MS4A14: variants seen among roughly 807,000 people sequenced by gnomAD.
The protein encoded by MS4A14 is membrane spanning 4-domains A14, also known as membrane-spanning 4-domains subfamily A member 14.
In MS4A14, 18 loss-of-function variants were observed where a neutral mutation model predicts 16.7. The observed-to-expected ratio is 1.08, with a 90% CI of 0.75 to 1.60. MS4A14 has a LOEUF of 1.60. MS4A14 is among the 40% of genes most tolerant of loss of function. The pLI, the probability that MS4A14 is intolerant of heterozygous loss-of-function variation, is 0.00. For missense variants in MS4A14, 812 were observed against 775.3 expected (o/e 1.05, Z -0.56); for synonymous variants, 305 against 289.4 (o/e 1.05, Z -0.55).
At chr11:60,410,831 G>GT (rs34211432) in intron 4 of MS4A14, among the ~76,000 whole-genome samples, 1 of 151,448 alleles carries the variant, frequency 6.6e-6, no homozygotes, top group African/African-American at 2.4e-5. Flanking sequence ...TATTTTTTGG[G>GT]TTTTTTTTTT....
At chr11:60,407,767 ATTATCTTC>A (rs2085808976) in intron 4 of MS4A14, among the ~76,000 whole-genome samples, 1 of 151,828 alleles carries the variant, frequency 6.6e-6, no homozygotes, top group Admixed American at 6.6e-5. Flanking sequence ...ATTTTATTGG[ATTATCTTC>A]TTATTGGCCT....
intron 1 of MS4A14, 97 bp downstream of exon 1, chr11:60,396,813 G>C (rs779835391): frequency 7.7e-7 from 1 of 1,290,848 alleles, no homozygotes; most frequent in Non-Finnish European, 1.0e-6. Context: ...TATTTTCAGG[G>C]AGGGAGTTAA....
At chr11:60,397,190 C>G (rs2085638674) in intron 1 of MS4A14, among the ~76,000 whole-genome samples, 1 of 152,134 alleles carries the variant, frequency 6.6e-6, no homozygotes, top group African/African-American at 2.4e-5. Context: ...AGAGATGTGG[C>G]CTGGGGACAA....
chr11:60,414,336 A>G (rs191037344), intron 4 of MS4A14, among the ~76,000 whole-genome samples: 1 of 152,124 alleles, frequency 6.6e-6, no homozygotes, highest in Non-Finnish European at 1.5e-5. Flanking sequence ...AACTAATTAG[A>G]AGAATGGGAA....
rs145801550 is a variant in MS4A14, at chr11:60,416,905, C to G, written c.1937C>G (p.Ser646Cys). 1.9e-6 allele frequency: 3 copies of G among 1,613,730 alleles called. No individual in the cohort carries two copies. In the African/African-American group the frequency reaches 4.0e-5, roughly 22 times the overall value. The change falls in exon 5 of 5, where the codon TCC becomes TGC. Residue 646 changes from serine to cysteine, a missense_variant. By Grantham distance (112) the Ser-to-Cys change is moderately radical. Coordinates refer to ENST00000300187, the MANE Select transcript of MS4A14 (RefSeq NM_032597.5). ...AAACTGTTATGCCAAGATTCAGAATCCCAAATACAGCAATACCAATTCTGG... is the reference window on the plus strand; with the variant it reads ...AAACTGTTATGCCAAGATTCAGAATGCCAAATACAGCAATACCAATTCTGG... ...VPKLLCQDSE[S>C]QIQQYQFWQF... is the part of the protein sequence containing the mutation.
chr11:60,405,492 C>T (rs2085774017), intron 4 of MS4A14, among the ~76,000 whole-genome samples: 1 of 152,136 alleles, frequency 6.6e-6, no homozygotes, highest in South Asian at 2.1e-4. Context: ...GCAAAATGGG[C>T]AAAATGGCAA....
In MS4A14 at chr11:60,415,806, C is replaced by A. The variant is rs768895069; in HGVS notation, c.838C>A (p.Gln280Lys). 2 of 1,613,824 alleles carry A rather than the reference C, an allele frequency of 1.2e-6. No individual in the cohort carries two copies. Among genetic ancestry groups the A allele is most frequent in the Non-Finnish European group, 1.7e-6 (2 of 1,179,940 alleles). The change falls in exon 5 of 5, where the codon CAA becomes AAA. Residue 280 changes from glutamine (Q) to lysine (K), a missense_variant. Gln to Lys is a moderately conservative substitution (Grantham distance 53, BLOSUM62 1). Transcript: ENST00000300187. Reference sequence around the variant, plus strand: ...TAAACAAATGAAAGATGAAGATCTACAATCTGCTATTGTACAACCTTCTCA... The same window carrying A: ...TAAACAAATGAAAGATGAAGATCTAAAATCTGCTATTGTACAACCTTCTCA... ...TFKQMKDEDLQSAIVQPSQMQ... is the reference protein window; with the variant it reads ...TFKQMKDEDLKSAIVQPSQMQ...
Position 60,416,704 on chromosome 11 carries a change from G to C in MS4A14, c.1736G>C (p.Gly579Ala). The C allele has an allele frequency of 3.1e-6, 5 of 1,613,720 alleles. No homozygotes were observed. Among genetic ancestry groups the C allele is most frequent in the Non-Finnish European group, 4.2e-6 (5 of 1,179,908 alleles). Residue 579 changes from glycine (G) to alanine (A), a missense_variant, in exon 5 of 5, where the codon GGA (glycine) becomes GCA (alanine). By Grantham distance (60) the Gly-to-Ala change is moderately conservative. Coordinates refer to ENST00000300187, the MANE Select transcript of MS4A14 (RefSeq NM_032597.5). ...GCCAAAGGGGAACAATACCCAGAAG[G>C]ACAATCTAAAGATGGACAAGTTAAA... is the stretch of plus-strand genomic sequence containing the variant. The part of the protein sequence containing the change: ...QQAKGEQYPE[G>A]QSKDGQVKDQ...
In MS4A14 at chr11:60,415,893, G is replaced by T. The variant is rs1590822610; in HGVS notation, c.925G>T (p.Ala309Ser). The T allele has an allele frequency of 3.7e-6, 6 of 1,613,688 alleles. No individual in the cohort carries two copies. The Admixed American group carries it at 6.7e-5, about 18-fold the overall frequency. Reference sequence around the variant, plus strand: ...ACTCCAAGTTTTTCCATCCCATTCTGCACTAAAACTCGAAGATATATCACC... The same window carrying T: ...ACTCCAAGTTTTTCCATCCCATTCTTCACTAAAACTCGAAGATATATCACC... ...ASLQVFPSHS[A>S]LKLEDISPED... The change falls in exon 5 of 5, where the codon GCA becomes TCA. Residue 309 changes from alanine to serine, a missense_variant. Coordinates refer to ENST00000300187, the MANE Select transcript of MS4A14 (RefSeq NM_032597.5).
At position 60,408,869 on chromosome 11, in the gene MS4A14, A is replaced by G. The variant is rs143668381; in HGVS notation, c.468+5808A>G. ...GGAGTTCTGTGTTTAATGTTTTGAGAAAATGCCAAATTGTTTTTCACCTTC... is the reference window on the plus strand; with the variant it reads ...GGAGTTCTGTGTTTAATGTTTTGAGGAAATGCCAAATTGTTTTTCACCTTC... On this transcript the variant is annotated intron_variant, in intron 4 of 4. Transcript: ENST00000300187. Among the ~76,000 whole-genome samples the G allele has an allele frequency of 3.8e-3, 586 of 152,324 alleles. 4 individuals are homozygous for G. The highest frequency in any genetic ancestry group is 6.5e-3 in the Admixed American group (100 of 15,290).
chr11:60,406,008 A>G, intron 4 of MS4A14: 2 of 1,415,660 alleles, frequency 1.4e-6, no homozygotes, highest in South Asian at 1.4e-5. Flanking sequence ...ATGTCTCTTA[A>G]TATTATTAAG....
At chr11:60,399,331 A>G (rs564558005) in intron 2 of MS4A14, among the ~76,000 whole-genome samples, 17 of 152,316 alleles carry the variant, frequency 1.1e-4, no homozygotes, top group African/African-American at 3.4e-4. Flanking sequence ...AGTGGAAGGA[A>G]AGCATCCCTG....
At chr11:60,411,269 G>A (rs1363210035) in intron 4 of MS4A14, among the ~76,000 whole-genome samples, 1 of 152,132 alleles carries the variant, frequency 6.6e-6, no homozygotes, top group East Asian at 1.9e-4. Flanking sequence ...AATTCAATAT[G>A]AACTTGAGGA....
chr11:60,405,205 G>A (rs1273027253), intron 4 of MS4A14, among the ~76,000 whole-genome samples: 2 of 151,790 alleles, frequency 1.3e-5, no homozygotes, highest in Non-Finnish European at 2.9e-5. Flanking sequence ...TCAGCCTCCC[G>A]AGTAGCTGGG....
chr11:60,407,257 G>C (rs192378810), intron 4 of MS4A14, among the ~76,000 whole-genome samples: 5 of 152,204 alleles, frequency 3.3e-5, no homozygotes, highest in Admixed American at 3.3e-4. Flanking sequence ...CTTGGCTCAA[G>C]TGATACACCC....
At chr11:60,413,380 A>C (rs964342656) in intron 4 of MS4A14, among the ~76,000 whole-genome samples, 52 of 149,452 alleles carry the variant, frequency 3.5e-4, no homozygotes, top group African/African-American at 1.2e-3. Flanking sequence ...TGAAAATAGC[A>C]ATCTTTCCTT....
intron 2 of MS4A14, 144 bp downstream of exon 2, chr11:60,398,124 T>G: frequency 1.4e-6 from 1 of 718,960 alleles, no homozygotes; most frequent in Non-Finnish European, 2.2e-6. Flanking sequence ...AAGAAGCAAC[T>G]CCATTTGGTC....
intron 4 of MS4A14, among the ~76,000 whole-genome samples, chr11:60,407,262 A>G (rs1047274626): frequency 6.6e-6 from 1 of 152,036 alleles, no homozygotes; most frequent in Admixed American, 6.6e-5. Context: ...CTCAAGTGAT[A>G]CACCCACCAT....
In MS4A14 at chr11:60,417,084, T is replaced by C. The variant is rs1366364667; in HGVS notation, c.*76T>C. The C allele has an allele frequency of 2.6e-6, 4 of 1,513,108 alleles. No individual in the cohort carries two copies. The highest frequency in any genetic ancestry group is 3.5e-6 in the Non-Finnish European group (4 of 1,135,350). 93.7% of individuals were successfully genotyped at this position (1,513,108 alleles called of 1,614,324 possible). ...ATGAAGCACTGGCAAACACAGGATC[T>C]ATTAGAGAAAGAAGCCCTAAAGCAG... On this transcript the variant is annotated 3_prime_UTR_variant, in exon 5 of 5. Transcript: ENST00000300187.
Sources: allele counts gnomAD v4.1 joint callset (sites outside exome capture counted in the v4.1 genomes callset), GRCh38; gene constraint gnomAD v4.1.1; transcripts MANE v1.5; gene names NCBI Gene and HGNC (gene_info 2026-07-23, HGNC 2026-07-21).